The following FHIT variants were observed in gnomAD, a reference collection of about 807,000 sequenced individuals.
FHIT encodes bis(5'-adenosyl)-triphosphatase.
Under a neutral mutation model 17.9 loss-of-function variants are expected in FHIT, and 19 were observed. The observed-to-expected ratio is 1.06, with a 90% confidence interval of 0.74 to 1.56. The LOEUF (loss-of-function observed/expected upper bound fraction) is 1.56, where lower values mean the gene tolerates loss of function less well. FHIT is among the 40% of genes most tolerant of loss of function. The pLI, the probability that FHIT is intolerant of heterozygous loss-of-function variation, is 0.00. For synonymous variants in FHIT, 81 were observed against 69.7 expected (o/e 1.16, Z -0.81); for missense variants, 248 against 189.2 (o/e 1.31, Z -1.82).
chr3:60,807,283 C>G (rs1230739178), intron 4 of FHIT, among the ~76,000 whole-genome samples: 3 of 151,994 alleles, frequency 2.0e-5, no homozygotes, highest in African/African-American at 7.3e-5. Flanking sequence ...CCATCACTCA[C>G]TTATTAATAA....
intron 7 of FHIT, among the ~76,000 whole-genome samples, chr3:59,990,799 AT>A (rs1709193444): frequency 6.6e-6 from 1 of 152,090 alleles, no homozygotes; most frequent in Non-Finnish European, 1.5e-5. Context: ...ATCTACTGGC[AT>A]TTTAGAACAG....
intron 8 of FHIT, among the ~76,000 whole-genome samples, chr3:59,757,311 A>AAAAG (rs1341258009): frequency 1.3e-5 from 2 of 152,198 alleles, no homozygotes; most frequent in Non-Finnish European, 2.9e-5. Context: ...CACAGCTTTG[A>AAAAG]AAAGAGATTT....
chr3:60,921,966 G>C (rs1393000496), intron 3 of FHIT, among the ~76,000 whole-genome samples: 1 of 152,168 alleles, frequency 6.6e-6, no homozygotes, highest in Non-Finnish European at 1.5e-5. Context: ...AAATAAATGA[G>C]GCTTGAAAGC....
chr3:60,053,205 T>C (rs928788188), intron 5 of FHIT, among the ~76,000 whole-genome samples: 31 of 151,784 alleles, frequency 2.0e-4, no homozygotes, highest in South Asian at 4.2e-4. Context: ...GTCACCTCCA[T>C]AGAGAGGCCT....
At chr3:60,585,182 C>G (rs951342911) in intron 4 of FHIT, among the ~76,000 whole-genome samples, 1 of 151,966 alleles carries the variant, frequency 6.6e-6, no homozygotes, top group Non-Finnish European at 1.5e-5. Context: ...TGAGAGTAAG[C>G]TGAAGCTGAG....
At chr3:60,631,910 T>A (rs1444225945) in intron 4 of FHIT, among the ~76,000 whole-genome samples, 1 of 152,122 alleles carries the variant, frequency 6.6e-6, no homozygotes, top group Non-Finnish European at 1.5e-5. Flanking sequence ...TTAGCTGTTG[T>A]TTGTACCACA....
intron 3 of FHIT, among the ~76,000 whole-genome samples, chr3:60,965,162 C>A (rs542173585): frequency 6.6e-6 from 1 of 150,762 alleles, no homozygotes; most frequent in African/African-American, 2.5e-5. Context: ...ACGTCTCTTC[C>A]GGCTTCATTT....
chr3:60,993,739 T>C (rs1262720318), intron 3 of FHIT, among the ~76,000 whole-genome samples: 3 of 152,340 alleles, frequency 2.0e-5, no homozygotes, highest in East Asian at 1.9e-4. Context: ...AAATAATTCA[T>C]TCCAAAACTC....
chr3:60,591,183 A>G (rs1553664149), intron 4 of FHIT, among the ~76,000 whole-genome samples: 1 of 152,092 alleles, frequency 6.6e-6, no homozygotes, highest in African/African-American at 2.4e-5. Flanking sequence ...CATATTTTCC[A>G]TTACAAATAC....
intron 5 of FHIT, among the ~76,000 whole-genome samples, chr3:60,418,408 ATATATATATATATATATACG>A (rs1295651625): frequency 2.9e-5 from 3 of 105,224 alleles, no homozygotes; most frequent in South Asian, 3.3e-4. Flanking sequence ...ATATATATAT[ATATATATATATATATATACG>A]TGTATACACA....
At chr3:60,813,543 A>C (rs1331544142) in intron 4 of FHIT, among the ~76,000 whole-genome samples, 4 of 152,142 alleles carry the variant, frequency 2.6e-5, no homozygotes, top group African/African-American at 7.2e-5. Context: ...GCATTAAATG[A>C]AGCAAACACG....
intron 5 of FHIT, among the ~76,000 whole-genome samples, chr3:60,079,077 A>G (rs112127538): frequency 0.013 from 1,966 of 152,232 alleles, 25 homozygotes; most frequent in South Asian, 0.044. Flanking sequence ...TCACAGGGTG[A>G]TCGGGGTGGA....
intron 5 of FHIT, among the ~76,000 whole-genome samples, chr3:60,353,116 CTTAATA>C (rs1370643585): frequency 6.6e-6 from 1 of 152,098 alleles, no homozygotes; most frequent in African/African-American, 2.4e-5. Flanking sequence ...TCAAGGTGAT[CTTAATA>C]TTATTTTACC....
At chr3:60,517,099 A>G (rs2035187829) in intron 5 of FHIT, among the ~76,000 whole-genome samples, 1 of 152,222 alleles carries the variant, frequency 6.6e-6, no homozygotes, top group South Asian at 2.1e-4. Flanking sequence ...TGTTAAGCTG[A>G]CAAATTCCAA....
At chr3:60,460,000 A>G (rs980791579) in intron 5 of FHIT, among the ~76,000 whole-genome samples, 2 of 152,186 alleles carry the variant, frequency 1.3e-5, no homozygotes, top group Admixed American at 6.5e-5. Flanking sequence ...TCAGCAACCC[A>G]AAAGTCCTGT....
intron 5 of FHIT, among the ~76,000 whole-genome samples, chr3:60,178,297 C>T (rs1055586705): frequency 7.2e-5 from 11 of 152,134 alleles, no homozygotes; most frequent in African/African-American, 1.7e-4. Context: ...TATAAAGAAG[C>T]GCAGATAAGG....
intron 5 of FHIT, among the ~76,000 whole-genome samples, chr3:60,163,696 G>C (rs1460832068): frequency 1.3e-5 from 2 of 152,086 alleles, no homozygotes; most frequent in African/African-American, 4.8e-5. Context: ...ATTTGGGGCC[G>C]GGTGATTCTT....
At chr3:59,954,239 T>C (rs1207988002) in intron 7 of FHIT, among the ~76,000 whole-genome samples, 16 of 150,938 alleles carry the variant, frequency 1.1e-4, no homozygotes, top group South Asian at 4.2e-4. Flanking sequence ...TTCTTTTTTT[T>C]CCAAATGTGT....
At chr3:60,860,410 ATCATATG>A (rs1553751395) in intron 3 of FHIT, among the ~76,000 whole-genome samples, 1 of 131,008 alleles carries the variant, frequency 7.6e-6, no homozygotes, top group East Asian at 2.1e-4. Flanking sequence ...TATGACATAC[ATCATATG>A]TATATATGAT....
Sources: allele counts gnomAD v4.1 joint callset (sites outside exome capture counted in the v4.1 genomes callset), GRCh38; gene constraint gnomAD v4.1.1; transcripts MANE v1.5; gene names NCBI Gene and HGNC (gene_info 2026-07-23, HGNC 2026-07-21).